The following SYPL2 variants were observed in gnomAD, a reference collection of about 807,000 sequenced individuals.
The protein encoded by SYPL2 is synaptophysin-like protein 2.
SYPL2 carries 24 observed loss-of-function variants against 31.3 expected under a neutral mutation model. The observed-to-expected ratio is 0.77, with a 90% CI of 0.56 to 1.08. SYPL2 has a LOEUF of 1.08. Among genes scored for constraint, SYPL2 ranks in the 50% least tolerant of loss-of-function variants. SYPL2 has a pLI of 0.00. For synonymous variants in SYPL2, 144 were observed against 143.1 expected (o/e 1.01, Z -0.05); for missense variants, 342 against 360.1 (o/e 0.95, Z 0.41).
rs891334178 is a variant in SYPL2 at position 109,482,047 on chromosome 1, C to T, written c.*2499C>T. 2.6e-5 allele frequency: 4 copies of T among 151,308 alleles called. No individual in the cohort carries two copies. The highest frequency in any genetic ancestry group is 9.8e-5 in the African/African-American group (4 of 40,978). The allele number at this position is 151,308 out of a possible 1,614,324, so 9.4% of individuals were successfully genotyped here. On this transcript the variant is annotated 3_prime_UTR_variant, in exon 6 of 6. Transcript: ENST00000369872. Reference sequence around the variant, plus strand: ...GCCTCCTACTTCTGGGATTGCAGATCAGGGGTGGGGGGAGAATGTTGCATG... The same window carrying T: ...GCCTCCTACTTCTGGGATTGCAGATTAGGGGTGGGGGGAGAATGTTGCATG...
At chr1:109,479,032 G>C (rs762696733) in intron 5 of SYPL2, among the ~76,000 whole-genome samples, 2 of 152,202 alleles carry the variant, frequency 1.3e-5, no homozygotes, top group Non-Finnish European at 2.9e-5. Context: ...AAGGTGCTCC[G>C]AACAGGGCCT....
rs780673090 is a variant in SYPL2, at chr1:109,477,866, G to A, written c.505G>A (p.Ala169Thr). 5 of 1,613,796 alleles carry A rather than the reference G, an allele frequency of 3.1e-6. No homozygotes were observed. Among genetic ancestry groups the A allele is most frequent in the Non-Finnish European group, 4.2e-6 (5 of 1,179,786 alleles). The change falls in exon 5 of 6, where the codon GCT becomes ACT. Residue 169 changes from alanine (A) to threonine (T), a missense_variant. By Grantham distance (58) the Ala-to-Thr change is moderately conservative. Coordinates refer to ENST00000369872, the MANE Select transcript of SYPL2 (RefSeq NM_001040709.2). ...SFTFFWLVAA[A>T]AWGKGLTDVK... ...CACCTTCTTCTGGCTGGTAGCTGCA[G>A]CTGCCTGGGGCAAGGGCCTGACCGA...
Position 109,475,306 on chromosome 1 carries a change from A to G in SYPL2, c.130-275A>G, listed in dbSNP as rs1315465283. ...GTGGTCCCCAAGTCATGCCCAATGG[A>G]GAGATCTGGCAACTGTCCATTTCCT... is the stretch of plus-strand genomic sequence containing the variant. On this transcript the variant is annotated intron_variant, in intron 2 of 5. Coordinates refer to ENST00000369872, the MANE Select transcript of SYPL2 (RefSeq NM_001040709.2). 1.3e-5 allele frequency: 4 copies of G among 301,008 alleles called. No homozygotes were observed. In the South Asian group the frequency reaches 3.4e-4, roughly 26 times the overall value. 18.6% of individuals were successfully genotyped at this position (301,008 alleles called of 1,614,324 possible).
chr1:109,466,774 C>G lies in SYPL2; in HGVS notation c.-70C>G, dbSNP rs1205196513. 5.9e-5 allele frequency: 86 copies of G among 1,445,932 alleles called. 1 individual carries two copies. In the Admixed American group the frequency reaches 1.8e-3, roughly 30 times the overall value. The allele number at this position is 1,445,932 out of a possible 1,614,324, so 89.6% of individuals were successfully genotyped here. ...CCCGGACCTGCAGCTCCCCGCTCCC[C>G]CGCCGTGTCCGCCGCCTCCCGGCCA... On this transcript the variant is annotated 5_prime_UTR_variant, in exon 1 of 6. Transcript: ENST00000369872.
intron 2 of SYPL2, among the ~76,000 whole-genome samples, chr1:109,473,817 C>T (rs4520442): frequency 0.03 from 4,600 of 151,328 alleles, 237 homozygotes; most frequent in African/African-American, 0.1. Context: ...ATGGTGTGAA[C>T]GCAGGAGGTG....
At chr1:109,477,745 T>C (rs1656043693) in intron 4 of SYPL2, 73 bp from the exon 5 acceptor site, 2 of 1,537,668 alleles carry the variant, frequency 1.3e-6, no homozygotes, top group East Asian at 4.5e-5. Flanking sequence ...GCCAGTATCA[T>C]GGCAAGTGGA....
intron 2 of SYPL2, 174 bp from the exon 3 acceptor site, chr1:109,475,407 C>A: frequency 2.3e-6 from 2 of 860,856 alleles, no homozygotes; most frequent in Non-Finnish European, 3.4e-6. Flanking sequence ...CAGCCTGAGG[C>A]TGGAAGATAA....
At chr1:109,467,181 A>G in intron 2 of SYPL2, 48 bp downstream of exon 2, 1 of 1,478,580 alleles carries the variant, frequency 6.8e-7, no homozygotes, top group Non-Finnish European at 9.0e-7. Context: ...CTGGGCTGTG[A>G]CGCTGACCTG....
At chr1:109,471,656 T>C (rs895630368) in intron 2 of SYPL2, among the ~76,000 whole-genome samples, 1 of 152,064 alleles carries the variant, frequency 6.6e-6, no homozygotes, top group Non-Finnish European at 1.5e-5. Context: ...CTCAAGTGAT[T>C]TGCCCGCCTT....
intron 3 of SYPL2, among the ~76,000 whole-genome samples, chr1:109,476,317 T>C (rs999395108): frequency 3.3e-5 from 5 of 152,234 alleles, no homozygotes; most frequent in African/African-American, 9.7e-5. Flanking sequence ...AGGCTGTGTT[T>C]TTCTCTTTAA....
At chr1:109,475,986 G>A (rs1295700531) in intron 3 of SYPL2, among the ~76,000 whole-genome samples, 1 of 152,216 alleles carries the variant, frequency 6.6e-6, no homozygotes, top group Non-Finnish European at 1.5e-5. Context: ...AAGAGCCAAT[G>A]CAGTTTGGGA....
At chr1:109,476,752 G>A (rs376216844) in intron 3 of SYPL2, 24 bp from the exon 4 acceptor site, 47 of 1,611,500 alleles carry the variant, frequency 2.9e-5, no homozygotes, top group Non-Finnish European at 3.8e-5. Context: ...CTGAGCTCAG[G>A]ATGGCCTCCC....
Position 109,480,832 on chromosome 1 carries a change from T to A in SYPL2, c.*1284T>A, listed in dbSNP as rs1656140645. ...TTGGGACCCAGTTCCATATTTGTCT[T>A]TAGTGTATATCCTCTTCCTGATACC... On this transcript the variant is annotated 3_prime_UTR_variant, in exon 6 of 6. Coordinates refer to ENST00000369872, the MANE Select transcript of SYPL2 (RefSeq NM_001040709.2). The A allele has an allele frequency of 6.5e-6, 1 of 152,718 alleles. No individual in the cohort carries two copies. Among genetic ancestry groups the A allele is most frequent in the Admixed American group, 6.5e-5 (1 of 15,288 alleles). The allele number at this position is 152,718 out of a possible 1,614,324, so 9.5% of individuals were successfully genotyped here. A position where few individuals can be genotyped will look rare whatever the true frequency, so the allele number is the denominator to read the frequency against.
rs748013721 is a variant in SYPL2 at position 109,476,890 on chromosome 1, C to A, written c.369C>A (p.Ile123=). Reference sequence around the variant, plus strand: ...CCGAGTTCTTCGTGACCCTTGGCATCTTTTCCTTCTTCTATACCATGGCTG... The same window carrying A: ...CCGAGTTCTTCGTGACCCTTGGCATATTTTCCTTCTTCTATACCATGGCTG... ...APAEFFVTLG[I]FSFFYTMAAL... Residue 123 remains isoleucine (I), a synonymous_variant, in exon 4 of 6, where the codon ATC becomes ATA. Transcript: ENST00000369872. The A allele has an allele frequency of 1.2e-6, 2 of 1,614,248 alleles. No individual in the cohort carries two copies. Among genetic ancestry groups the A allele is most frequent in the South Asian group, 2.2e-5 (2 of 91,088 alleles).
rs770859464 is a variant in SYPL2, at chr1:109,479,466, A to G, written c.737A>G (p.Gln246Arg). 5 of 1,613,380 alleles carry G rather than the reference A, an allele frequency of 3.1e-6. No individual in the cohort carries two copies. The highest frequency in any genetic ancestry group is 2.7e-5 in the African/African-American group (2 of 74,924). The part of the protein sequence containing the change: ...ETPWHGQGQG[Q>R]DQDQDQDQGQ... ...CCGTGGCATGGACAGGGCCAGGGCC[A>G]GGACCAGGACCAGGACCAGGACCAG... The change falls in exon 6 of 6, where the codon CAG (glutamine) becomes CGG (arginine). Residue 246 changes from glutamine (Q) to arginine (R), a missense_variant. Gln to Arg is a conservative substitution (Grantham distance 43). Coordinates refer to ENST00000369872, the MANE Select transcript of SYPL2 (RefSeq NM_001040709.2).
Position 109,477,902 on chromosome 1 carries a change from GCCACACGA to G in SYPL2, c.545_552del (p.Thr182IlefsTer81), listed in dbSNP as rs745732472. ...CAAGGGCCTGACCGATGTCAAGGGGGCCACACGACCATCCAGCTTGACAGCAGCCATGT... is the reference window on the plus strand; with the variant it reads ...CAAGGGCCTGACCGATGTCAAGGGGGCCATCCAGCTTGACAGCAGCCATGT... On this transcript the variant is annotated frameshift_variant, in exon 5 of 6. Coordinates refer to ENST00000369872, the MANE Select transcript of SYPL2 (RefSeq NM_001040709.2). LOFTEE classifies it high-confidence loss of function. 26 of 1,614,216 alleles carry G rather than the reference GCCACACGA, an allele frequency of 1.6e-5. No homozygotes were observed. Among genetic ancestry groups the G allele is most frequent in the Non-Finnish European group, 2.1e-5 (25 of 1,180,042 alleles).
Position 109,467,084 on chromosome 1 carries a change from G to T in SYPL2, c.80G>T (p.Arg27Leu). The change falls in exon 2 of 6, where the codon CGC becomes CTC. Residue 27 changes from arginine (R) to leucine (L), a missense_variant. Physicochemically the swap from Arg to Leu is moderately radical, Grantham distance 102 (BLOSUM62 -2). Coordinates refer to ENST00000369872, the MANE Select transcript of SYPL2 (RefSeq NM_001040709.2). ...QQVDRLLVGL[R>L]WRRLEEPLGF... The stretch of plus-strand genomic sequence containing the variant: ...GTGGACCGCCTACTCGTGGGGCTGC[G>T]CTGGCGGCGGCTGGAGGAGCCGCTG... 1 of 1,545,070 alleles carries T rather than the reference G, an allele frequency of 6.5e-7. No homozygotes were observed. Among genetic ancestry groups the T allele is most frequent in the South Asian group, 1.2e-5 (1 of 83,860 alleles).
chr1:109,471,247 C>T (rs1196952695), intron 2 of SYPL2, among the ~76,000 whole-genome samples: 2 of 152,144 alleles, frequency 1.3e-5, no homozygotes, highest in African/African-American at 4.8e-5. Context: ...CCTGTGATTC[C>T]CCTCAGATGT....
At position 109,479,675 on chromosome 1, in the gene SYPL2, C is replaced by A. The variant is rs145259229; in HGVS notation, c.*127C>A. ...TCATTCTGGTCTTTGAGCTTTGAGA[C>A]GATGGGCAGGCATCAGCTGTTGGAA... is the stretch of plus-strand genomic sequence containing the variant. On this transcript the variant is annotated 3_prime_UTR_variant, in exon 6 of 6. Coordinates refer to ENST00000369872, the MANE Select transcript of SYPL2 (RefSeq NM_001040709.2). 2 of 1,426,540 alleles carry A rather than the reference C, an allele frequency of 1.4e-6. No individual in the cohort carries two copies. Among genetic ancestry groups the A allele is most frequent in the Non-Finnish European group, 9.4e-7 (1 of 1,063,500 alleles). 88.4% of individuals were successfully genotyped at this position (1,426,540 alleles called of 1,614,324 possible).
Sources: gnomAD v4.1 joint callset for allele counts (sites outside exome capture counted in the v4.1 genomes callset) on GRCh38, gnomAD v4.1.1 for gene constraint, MANE v1.5 for transcripts, NCBI Gene and HGNC (gene_info 2026-07-23, HGNC 2026-07-21) for gene names.